The following BLOC1S3 variants were observed in gnomAD, a reference collection of about 807,000 sequenced individuals.
The protein encoded by BLOC1S3 is biogenesis of lysosomal organelles complex 1 subunit 3, also known as biogenesis of lysosome-related organelles complex 1 subunit 3.
A neutral mutation model predicts 9.1 loss-of-function variants in BLOC1S3; 7 were observed. That is an observed-to-expected ratio of 0.77 (90% confidence interval 0.44 to 1.45). The LOEUF (loss-of-function observed/expected upper bound fraction) is 1.45, where lower values mean the gene tolerates loss of function less well. Among genes scored for constraint, BLOC1S3 ranks in the 40% most tolerant of loss-of-function variants. The pLI is 0.01. For missense variants in BLOC1S3, 307 were observed against 315.2 expected (o/e 0.97, Z 0.20); for synonymous variants, 145 against 158.4 (o/e 0.92, Z 0.64).
intron 2 of BLOC1S3, among the ~76,000 whole-genome samples, chr19:45,194,684 C>T (rs1362903360): frequency 6.6e-6 from 1 of 152,114 alleles, no homozygotes; most frequent in African/African-American, 2.4e-5. Flanking sequence ...ATCTCACAAG[C>T]ATAATGTTCC....
intron 2 of BLOC1S3, among the ~76,000 whole-genome samples, chr19:45,195,717 C>T (rs1242688212): frequency 1.3e-5 from 2 of 152,118 alleles, no homozygotes; most frequent in African/African-American, 4.8e-5. Context: ...GCCTCAGCCT[C>T]CCGAGTAGCT....
At chr19:45,194,795 T>C (rs558465947) in intron 2 of BLOC1S3, among the ~76,000 whole-genome samples, 7 of 152,156 alleles carry the variant, frequency 4.6e-5, no homozygotes, top group African/African-American at 1.7e-4. Flanking sequence ...AGCAGTTAAT[T>C]GGGGAGGAGG....
chr19:45,185,803 T>A (rs1969562027), downstream of BLOC1S3, among the ~76,000 whole-genome samples: 2 of 151,616 alleles, frequency 1.3e-5, no homozygotes, highest in Non-Finnish European at 2.9e-5. Context: ...GGGACGAGTT[T>A]GTGCTTTAGC....
At position 45,179,657 on chromosome 19, in the gene BLOC1S3, G is replaced by A; in HGVS notation, c.361G>A (p.Asp121Asn). 2 of 1,469,436 alleles carry A rather than the reference G, an allele frequency of 1.4e-6. No individual in the cohort carries two copies. The highest frequency in any genetic ancestry group is 1.3e-5 in the South Asian group (1 of 76,962). The allele number at this position is 1,469,436 out of a possible 1,614,324, so 91.0% of individuals were successfully genotyped here. A position where few individuals can be genotyped will look rare whatever the true frequency, so the allele number is the denominator to read the frequency against. ...LRLAESQARL[D>N]HDVAAAVSGV... Reference sequence around the variant, plus strand: ...GCTGGCGGAGAGCCAGGCGCGGCTGGACCACGACGTGGCGGCCGCCGTGAG... The same window carrying A: ...GCTGGCGGAGAGCCAGGCGCGGCTGAACCACGACGTGGCGGCCGCCGTGAG... Residue 121 changes from aspartate to asparagine, a missense_variant, in exon 2 of 2, where the codon GAC becomes AAC. Transcript: ENST00000433642. The surrounding 1 kb of genome is among the most constrained non-coding windows in gnomAD (Gnocchi z 4.6).
chr19:45,201,507 C>G (rs1969690694), intron 2 of BLOC1S3, among the ~76,000 whole-genome samples: 1 of 152,142 alleles, frequency 6.6e-6, no homozygotes, highest in South Asian at 2.1e-4. Context: ...GGCCCAAGGG[C>G]TCTTCGGCCA....
At chr19:45,207,996 A>T (rs1969740638) in intron 3 of BLOC1S3, among the ~76,000 whole-genome samples, 1 of 147,580 alleles carries the variant, frequency 6.8e-6, no homozygotes, top group Non-Finnish European at 1.5e-5. Flanking sequence ...TTTTTTTGAG[A>T]TGGAGTCTTG....
rs948042434 is a variant in BLOC1S3 at position 45,189,575 on chromosome 19, G to T, written n.180+1835G>T. Reference sequence around the variant, plus strand: ...AGCCTCCCGAATAGCTGAGATTATAGGCATGTGCCACCAAGCCTGGCTTTT... The same window carrying T: ...AGCCTCCCGAATAGCTGAGATTATATGCATGTGCCACCAAGCCTGGCTTTT... On this transcript the variant is annotated intron_variant and non_coding_transcript_variant, in intron 2 of 3. Coordinates refer to the BLOC1S3 transcript ENST00000591569. 7.3e-5 allele frequency among the ~76,000 whole-genome samples: 11 copies of T among 150,504 alleles called. No homozygotes were observed. The East Asian group carries it at 2.0e-3, about 27-fold the overall frequency.
intron 2 of BLOC1S3, among the ~76,000 whole-genome samples, chr19:45,193,132 CAAAAAAAAAAAAAA>C (rs71173123): frequency 0.12 from 9,239 of 78,112 alleles, 1,064 homozygotes; most frequent in African/African-American, 0.34. Flanking sequence ...AACTCCGTCT[CAAAAAAAAAAAAAA>C]AAAAAAAAAA....
chr19:45,212,111 C>T (rs982337266), intron 3 of BLOC1S3, among the ~76,000 whole-genome samples: 3 of 152,188 alleles, frequency 2.0e-5, no homozygotes, highest in African/African-American at 7.2e-5. Flanking sequence ...CCACCAGGAC[C>T]AGGAATGGAC....
chr19:45,199,334 T>TTTTTC (rs1491331540), intron 2 of BLOC1S3, among the ~76,000 whole-genome samples: 3 of 122,824 alleles, frequency 2.4e-5, no homozygotes, highest in South Asian at 2.8e-4. Context: ...TTTTTTTTTT[T>TTTTTC]GAGATGGAGT....
Position 45,179,225 on chromosome 19 carries a change from C to T in BLOC1S3, c.-9-63C>T, listed in dbSNP as rs988028088. The T allele has an allele frequency of 2.8e-6, 4 of 1,428,936 alleles. No individual in the cohort carries two copies. The highest frequency in any genetic ancestry group is 3.0e-5 in the African/African-American group (2 of 66,994). 88.5% of individuals were successfully genotyped at this position (1,428,936 alleles called of 1,614,324 possible). ...CAGCGAAGGGGCTGGGAATCCAGGA[C>T]CTGCGCCTTTTACCCACCGCGGCGC... On this transcript the variant is annotated intron_variant, in intron 1 of 1. Coordinates refer to ENST00000433642, the MANE Select transcript of BLOC1S3 (RefSeq NM_212550.5). The surrounding 1 kb of genome is among the most constrained non-coding windows in gnomAD (Gnocchi z 4.6).
intron 3 of BLOC1S3, among the ~76,000 whole-genome samples, chr19:45,211,789 G>T (rs2122944628): frequency 7.3e-6 from 1 of 137,032 alleles, no homozygotes; most frequent in Non-Finnish European, 1.6e-5. Flanking sequence ...TCCTCTTTCT[G>T]ACTTCTCAGG....
chr19:45,216,319 T>C (rs1387009630), intron 3 of BLOC1S3: 2 of 1,342,532 alleles, frequency 1.5e-6, no homozygotes, highest in East Asian at 5.2e-5. Context: ...CTCAAGCCTG[T>C]AATCCCAGCA....
intron 3 of BLOC1S3, chr19:45,212,931 T>G: frequency 1.0e-6 from 1 of 989,184 alleles, no homozygotes. Context: ...GAGTTTGGGG[T>G]TGGGTGAAAA....
chr19:45,185,561 C>A (rs1352640829), downstream of BLOC1S3, among the ~76,000 whole-genome samples: 3 of 152,032 alleles, frequency 2.0e-5, no homozygotes, highest in Non-Finnish European at 4.4e-5. Flanking sequence ...GAAAGGCATT[C>A]AAGGCAGAAA....
At chr19:45,203,747 G>A (rs904078089) in intron 3 of BLOC1S3, among the ~76,000 whole-genome samples, 7 of 152,090 alleles carry the variant, frequency 4.6e-5, no homozygotes, top group Non-Finnish European at 8.8e-5. Flanking sequence ...ATAGAACAGC[G>A]CTGAGTTCCA....
At chr19:45,199,372 G>C (rs1235216833) in intron 2 of BLOC1S3, among the ~76,000 whole-genome samples, 1 of 128,748 alleles carries the variant, frequency 7.8e-6, no homozygotes, top group Non-Finnish European at 1.6e-5. Context: ...CTGGAGCACA[G>C]TGGCACGATC....
intron 3 of BLOC1S3, among the ~76,000 whole-genome samples, chr19:45,215,258 C>T (rs772131429): frequency 3.3e-5 from 5 of 152,088 alleles, no homozygotes; most frequent in Non-Finnish European, 7.4e-5. Context: ...ATCACTTGAG[C>T]CCAGAAGTTC....
At chr19:45,188,699 A>G (rs932523385) in intron 2 of BLOC1S3, among the ~76,000 whole-genome samples, 1 of 151,530 alleles carries the variant, frequency 6.6e-6, no homozygotes, top group Non-Finnish European at 1.5e-5. Context: ...CAGCCTCCCA[A>G]GTAGCTGGGA....
Sources: gnomAD v4.1 joint callset for allele counts (sites outside exome capture counted in the v4.1 genomes callset) on GRCh38, gnomAD v4.1.1 for gene constraint, Gnocchi (gnomAD v3.1) non-coding constraint, MANE v1.5 for transcripts, NCBI Gene and HGNC (gene_info 2026-07-23, HGNC 2026-07-21) for gene names.